Variants in KDM3B observed in about 807,000 individuals in gnomAD.
KDM3B encodes the protein lysine demethylase 3B.
A neutral mutation model predicts 170.0 loss-of-function variants in KDM3B; 10 were observed. The observed-to-expected ratio is 0.06, with a 90% CI of 0.04 to 0.10. The LOEUF (loss-of-function observed/expected upper bound fraction) is 0.10. Among genes scored for constraint, KDM3B ranks in the 10% least tolerant of loss-of-function variants. KDM3B has a pLI of 1.00. For missense variants in KDM3B, 1,394 were observed against 2,195.2 expected (o/e 0.64, Z 7.29); for synonymous variants, 831 against 834.8 (o/e 1.00, Z 0.08).
At chr5:138,414,584 G>C (rs1289962390) in intron 11 of KDM3B, among the ~76,000 whole-genome samples, 1 of 152,216 alleles carries the variant, frequency 6.6e-6, no homozygotes, top group East Asian at 1.9e-4. Flanking sequence ...TCTATGTCAT[G>C]ATTGTGGTAG....
intron 17 of KDM3B, among the ~76,000 whole-genome samples, chr5:138,426,145 G>A (rs1763385506): frequency 2.6e-5 from 4 of 152,204 alleles, no homozygotes; most frequent in Admixed American, 2.6e-4. Context: ...CATGGGCTAT[G>A]CAGAGCACTT....
intron 11 of KDM3B, among the ~76,000 whole-genome samples, chr5:138,400,709 A>G (rs1324863343): frequency 6.6e-6 from 1 of 151,796 alleles, no homozygotes; most frequent in African/African-American, 2.4e-5. Context: ...TGATCATACC[A>G]CTGCACTCCA....
chr5:138,414,204 C>T lies in KDM3B; in HGVS notation c.3200-928C>T, dbSNP rs146872766. Among the ~76,000 whole-genome samples the T allele has an allele frequency of 6.3e-3, 961 of 151,446 alleles. 7 individuals carry two copies. The highest frequency in any genetic ancestry group is 0.014 in the Middle Eastern group (4 of 284). On this transcript the variant is annotated intron_variant, in intron 11 of 23. Transcript: ENST00000314358. The stretch of plus-strand genomic sequence containing the variant: ...TTTTTGAGATGGAGTCTCGCTCTGT[C>T]GCCCAGGCTGGAGTGCAGTGGCGTG...
chr5:138,425,351 A>G lies in KDM3B; in HGVS notation c.4240-60A>G, dbSNP rs540109740. 5.9e-6 allele frequency: 9 copies of G among 1,531,592 alleles called. No homozygotes were observed. The East Asian group carries it at 1.8e-4, about 31-fold the overall frequency. 94.9% of individuals were successfully genotyped at this position (1,531,592 alleles called of 1,614,324 possible). ...TCAGGAAACCCTCCTATTCTGTCTC[A>G]GCCCTAGAGCTGGAAGTTTTTCCTA... On this transcript the variant is annotated intron_variant, in intron 16 of 23. Transcript: ENST00000314358.
intron 19 of KDM3B, 92 bp from the exon 20 acceptor site, chr5:138,427,875 C>A: frequency 8.3e-7 from 1 of 1,206,284 alleles, no homozygotes; most frequent in Non-Finnish European, 1.2e-6. Context: ...ACTCATTTAA[C>A]AACACCCTTG....
chr5:138,357,846 A>G (rs892863494), intron 1 of KDM3B, among the ~76,000 whole-genome samples: 21 of 151,596 alleles, frequency 1.4e-4, no homozygotes, highest in African/African-American at 5.1e-4. Flanking sequence ...CAGCCTCCCA[A>G]GTAGCTGGGA....
chr5:138,415,786 G>C (rs1429372520), intron 12 of KDM3B, among the ~76,000 whole-genome samples: 1 of 152,006 alleles, frequency 6.6e-6, no homozygotes, highest in Non-Finnish European at 1.5e-5. Flanking sequence ...GTGTGCACGT[G>C]GCCACTGCAC....
intron 1 of KDM3B, among the ~76,000 whole-genome samples, chr5:138,371,974 A>G (rs1375579160): frequency 6.6e-6 from 1 of 152,144 alleles, no homozygotes; most frequent in Non-Finnish European, 1.5e-5. Context: ...TAAGCCGGGC[A>G]TGGTGGCACA....
At chr5:138,387,202 T>A (rs529989779) in intron 7 of KDM3B, among the ~76,000 whole-genome samples, 4 of 152,348 alleles carry the variant, frequency 2.6e-5, no homozygotes, top group African/African-American at 9.6e-5. Context: ...TTGTTCTTTA[T>A]CTGATATGCA....
intron 11 of KDM3B, among the ~76,000 whole-genome samples, chr5:138,400,630 G>A (rs980931041): frequency 2.6e-5 from 4 of 152,040 alleles, no homozygotes; most frequent in Admixed American, 6.6e-5. Context: ...CATGCTTGTA[G>A]TCACAGCTAC....
chr5:138,433,991 C>T (rs1358100634), intron 23 of KDM3B, among the ~76,000 whole-genome samples: 1 of 152,168 alleles, frequency 6.6e-6, no homozygotes, highest in African/African-American at 2.4e-5. Flanking sequence ...CCACCTGCCT[C>T]GGCTTCCCAA....
chr5:138,376,260 G>A (rs1387785438), intron 3 of KDM3B, among the ~76,000 whole-genome samples: 1 of 152,144 alleles, frequency 6.6e-6, no homozygotes, highest in Non-Finnish European at 1.5e-5. Context: ...TTACAGGCGT[G>A]AGCCACCATA....
chr5:138,406,981 ATTT>A (rs745918786), intron 11 of KDM3B, among the ~76,000 whole-genome samples: 28 of 119,028 alleles, frequency 2.4e-4, no homozygotes, highest in African/African-American at 5.7e-4. Flanking sequence ...TATGCCAATA[ATTT>A]TTTTTTTTTT....
intron 1 of KDM3B, among the ~76,000 whole-genome samples, chr5:138,356,284 A>G (rs1426271245): frequency 1.3e-5 from 2 of 152,112 alleles, no homozygotes; most frequent in East Asian, 3.8e-4. Context: ...TGTATTTTTT[A>G]TTTTATTACA....
intron 6 of KDM3B, chr5:138,381,846 A>G: frequency 7.4e-6 from 3 of 407,766 alleles, no homozygotes; most frequent in Admixed American, 7.8e-5. Context: ...GTTTCTTCCT[A>G]TATTCTGTCA....
Position 138,392,056 on chromosome 5 carries a change from A to G in KDM3B, c.2424A>G (p.Gln808=), listed in dbSNP as rs775326249. The change falls in exon 8 of 24, where the codon CAA becomes CAG. Residue 808 remains glutamine, a synonymous_variant. Coordinates refer to ENST00000314358, the MANE Select transcript of KDM3B (RefSeq NM_016604.4). ...ATGAACGAAGCTTGGCTTGCAGACA[A>G]GACTCGGACTCCAGCACCAACAGTG... ...SLDERSLACR[Q]DSDSSTNSDL... The G allele has an allele frequency of 8.7e-6, 14 of 1,613,892 alleles. No individual in the cohort carries two copies. The highest frequency in any genetic ancestry group is 1.2e-5 in the Non-Finnish European group (14 of 1,179,836).
intron 23 of KDM3B, among the ~76,000 whole-genome samples, chr5:138,433,413 T>TC (rs1278409106): frequency 1.3e-5 from 2 of 150,460 alleles, no homozygotes; most frequent in East Asian, 3.9e-4. Context: ...GCGGCTGTTT[T>TC]TTTTTTTTTT....
At chr5:138,402,602 G>C (rs1020466271) in intron 11 of KDM3B, among the ~76,000 whole-genome samples, 2 of 152,172 alleles carry the variant, frequency 1.3e-5, no homozygotes, top group African/African-American at 4.8e-5. Context: ...TTAGCTGCTA[G>C]AGTATTCTGC....
At chr5:138,368,878 T>C (rs1761808571) in intron 1 of KDM3B, among the ~76,000 whole-genome samples, 1 of 152,230 alleles carries the variant, frequency 6.6e-6, no homozygotes, top group Non-Finnish European at 1.5e-5. Context: ...CTAATGTTTT[T>C]AGGTATGCGA....
Sources: allele counts gnomAD v4.1 joint callset (sites outside exome capture counted in the v4.1 genomes callset), GRCh38; gene constraint gnomAD v4.1.1; transcripts MANE v1.5; gene names NCBI Gene and HGNC (gene_info 2026-07-23, HGNC 2026-07-21).